TMPRSS11E: variants seen among roughly 807,000 people sequenced by gnomAD.
The protein encoded by TMPRSS11E is transmembrane serine protease 11E, also known as transmembrane protease serine 11E.
TMPRSS11E carries 38 observed loss-of-function variants against 48.1 expected under a neutral mutation model. The ratio of observed to expected loss-of-function variants is 0.79; its 90% CI spans 0.61 to 1.04. The LOEUF (loss-of-function observed/expected upper bound fraction) is 1.04, where lower values mean the gene tolerates loss of function less well. TMPRSS11E is among the 50% of genes least tolerant of loss of function. TMPRSS11E has a pLI of 0.00. For synonymous variants in TMPRSS11E, 158 were observed against 171.9 expected, an observed-to-expected ratio of 0.92 and a Z score of 0.63; for missense variants, 530 against 510.8, an observed-to-expected ratio of 1.04 and a Z score of -0.36.
intron 1 of TMPRSS11E, among the ~76,000 whole-genome samples, chr4:68,457,107 A>C (rs1202048365): frequency 1.3e-5 from 2 of 152,220 alleles, no homozygotes; most frequent in African/African-American, 2.4e-5. Flanking sequence ...CTATCATCAG[A>C]GTGAACAGGC....
intron 6 of TMPRSS11E, among the ~76,000 whole-genome samples, chr4:68,475,094 T>G (rs993853612): frequency 2.6e-5 from 4 of 152,140 alleles, no homozygotes; most frequent in Non-Finnish European, 5.9e-5. Flanking sequence ...ATCTATACAT[T>G]GTGTTTTTCA....
At chr4:68,492,381 C>T (rs1053345887) in intron 9 of TMPRSS11E, among the ~76,000 whole-genome samples, 1 of 152,128 alleles carries the variant, frequency 6.6e-6, no homozygotes, top group African/African-American at 2.4e-5. Flanking sequence ...ATATTCTTAC[C>T]TGAGGTTGAA....
At chr4:68,476,778 G>A (rs1357419791) in intron 7 of TMPRSS11E, among the ~76,000 whole-genome samples, 6 of 152,152 alleles carry the variant, frequency 3.9e-5, no homozygotes, top group Non-Finnish European at 8.8e-5. Flanking sequence ...AGTCTGGATA[G>A]GTTGTAGGTT....
In TMPRSS11E at chr4:68,476,338, T is replaced by C. The variant is rs770038926; in HGVS notation, c.607T>C (p.Trp203Arg). Residue 203 changes from tryptophan to arginine, a missense_variant, in exon 7 of 10, where the codon TGG (tryptophan) becomes CGG (arginine). Physicochemically the swap from Trp to Arg is moderately radical, Grantham distance 101 (BLOSUM62 -3). Transcript: ENST00000305363. Reference protein sequence around the residue: ...VGGTEVEEGEWPWQASLQWDG... With the variant: ...VGGTEVEEGERPWQASLQWDG... ...TGGGACAGAAGTAGAAGAGGGTGAA[T>C]GGCCCTGGCAGGCTAGCCTGCAGTG... The C allele has an allele frequency of 5.0e-6, 8 of 1,614,110 alleles. No individual in the cohort carries two copies. The highest frequency in any genetic ancestry group is 3.4e-6 in the Non-Finnish European group (4 of 1,179,990).
At chr4:68,451,974 A>G (rs145129239) in intron 1 of TMPRSS11E, among the ~76,000 whole-genome samples, 188 of 152,062 alleles carry the variant, frequency 1.2e-3, no homozygotes, top group African/African-American at 4.2e-3. Context: ...TACTGTCTTA[A>G]AAGGTGAAAA....
chr4:68,474,760 T>C lies in TMPRSS11E; in HGVS notation c.528T>C (p.His176=), dbSNP rs768657706. Residue 176 remains histidine (H), a splice_region_variant and synonymous_variant, in exon 6 of 10, where the codon CAT becomes CAC. Coordinates refer to ENST00000305363, the MANE Select transcript of TMPRSS11E (RefSeq NM_014058.4). ...NKTETDSYLN[H]CCGTRRSKTL... ...CAGAAACAGACAGCTATCTAAACCA[T>C]TGTAAGTTTAATATATTTATTAAAA... 9 of 1,598,728 alleles carry C rather than the reference T, an allele frequency of 5.6e-6. No homozygotes were observed. Among genetic ancestry groups the C allele is most frequent in the Admixed American group, 3.6e-5 (2 of 55,934 alleles).
chr4:68,456,909 A>G (rs1470993224), intron 1 of TMPRSS11E, among the ~76,000 whole-genome samples: 3 of 152,200 alleles, frequency 2.0e-5, no homozygotes, highest in Non-Finnish European at 1.5e-5. Context: ...AATTAACTCA[A>G]GATGGATTAA....
Position 68,496,897 on chromosome 4 carries a change from A to C in TMPRSS11E, c.*93A>C. 7.9e-7 allele frequency: 1 copy of C among 1,259,122 alleles called. No individual in the cohort carries two copies. The highest frequency in any genetic ancestry group is 1.1e-6 in the Non-Finnish European group (1 of 898,492). The allele number at this position is 1,259,122 out of a possible 1,614,324, so 78.0% of individuals were successfully genotyped here. A position where few individuals can be genotyped will look rare whatever the true frequency, so the allele number is the denominator to read the frequency against. On this transcript the variant is annotated 3_prime_UTR_variant, in exon 10 of 10. Transcript: ENST00000305363. ...GATACAGAATTGGAGAAGACTTGCA[A>C]AACAGCTAGATTTGACTGATCTCAA...
intron 8 of TMPRSS11E, 142 bp from the exon 9 acceptor site, chr4:68,478,707 G>A (rs968799022): frequency 6.9e-5 from 56 of 814,328 alleles, no homozygotes; most frequent in Non-Finnish European, 9.6e-5. Context: ...CTCCAATCTC[G>A]GCCTCTCAAA....
At chr4:68,489,523 GCATA>G (rs1729656533) in intron 9 of TMPRSS11E, among the ~76,000 whole-genome samples, 1 of 152,200 alleles carries the variant, frequency 6.6e-6, no homozygotes, top group Non-Finnish European at 1.5e-5. Context: ...CAGTGTGCAT[GCATA>G]CACCAGTGAG....
intron 1 of TMPRSS11E, among the ~76,000 whole-genome samples, 163 bp downstream of exon 1, chr4:68,447,686 C>A (rs1415917915): frequency 6.6e-6 from 1 of 151,720 alleles, no homozygotes; most frequent in African/African-American, 2.4e-5. Flanking sequence ...AAAAAGATTT[C>A]TATTCTTTCT....
intron 9 of TMPRSS11E, among the ~76,000 whole-genome samples, chr4:68,492,040 T>G (rs1446956080): frequency 6.6e-6 from 1 of 152,230 alleles, no homozygotes; most frequent in East Asian, 1.9e-4. Context: ...ATGCCCAAGT[T>G]TAGACTCACT....
chr4:68,451,019 C>T (rs1385017475), intron 1 of TMPRSS11E, among the ~76,000 whole-genome samples: 1 of 151,850 alleles, frequency 6.6e-6, no homozygotes, highest in Non-Finnish European at 1.5e-5. Flanking sequence ...TAAATAGAAA[C>T]AATCCAGAGA....
chr4:68,451,857 T>C (rs1006306688), intron 1 of TMPRSS11E, among the ~76,000 whole-genome samples: 4 of 151,888 alleles, frequency 2.6e-5, no homozygotes, highest in Admixed American at 2.6e-4. Flanking sequence ...TTAACCAGGG[T>C]CTATCTGACT....
chr4:68,475,203 C>T (rs1291469014), intron 6 of TMPRSS11E, among the ~76,000 whole-genome samples: 1 of 151,842 alleles, frequency 6.6e-6, no homozygotes, highest in African/African-American at 2.4e-5. Context: ...ATTATCGGGT[C>T]ATGGAAGAGT....
chr4:68,466,355 G>A (rs994612238), intron 2 of TMPRSS11E, among the ~76,000 whole-genome samples: 1 of 152,134 alleles, frequency 6.6e-6, no homozygotes, highest in African/African-American at 2.4e-5. Flanking sequence ...AGTAACACAT[G>A]AATAATCAGC....
chr4:68,479,792 C>T lies in TMPRSS11E; in HGVS notation c.1110+801C>T, dbSNP rs1027590141. 3.3e-5 allele frequency among the ~76,000 whole-genome samples: 5 copies of T among 151,942 alleles called. No individual in the cohort carries two copies. In the South Asian group the frequency reaches 1.0e-3, roughly 32 times the overall value. On this transcript the variant is annotated intron_variant, in intron 9 of 9. Coordinates refer to ENST00000305363, the MANE Select transcript of TMPRSS11E (RefSeq NM_014058.4). ...CTATGGATTTCTTCTTTCCTCTTTC[C>T]TGATTCCTTTTTTAAAAACAGTCAT... is the stretch of plus-strand genomic sequence containing the variant.
chr4:68,453,178 A>G (rs903766918), intron 1 of TMPRSS11E, among the ~76,000 whole-genome samples: 6 of 152,052 alleles, frequency 3.9e-5, no homozygotes, highest in East Asian at 3.9e-4. Context: ...AATAATGACA[A>G]TGGCCAACTT....
intron 4 of TMPRSS11E, 60 bp downstream of exon 4, chr4:68,469,006 C>A: frequency 8.1e-7 from 1 of 1,236,630 alleles, no homozygotes; most frequent in Non-Finnish European, 1.2e-6. Context: ...ATCTGCTCAG[C>A]AATAAATATG....
Sources: allele counts gnomAD v4.1 joint callset (sites outside exome capture counted in the v4.1 genomes callset), GRCh38; gene constraint gnomAD v4.1.1; transcripts MANE v1.5; gene names NCBI Gene and HGNC (gene_info 2026-07-23, HGNC 2026-07-21).